COL24A1: variants seen among roughly 807,000 people sequenced by gnomAD.
The protein encoded by COL24A1 is collagen type XXIV alpha 1 chain, also known as collagen alpha-1(XXIV) chain.
In COL24A1, 224 loss-of-function variants were observed where a neutral mutation model predicts 253.9. That is an observed-to-expected ratio of 0.88 (90% confidence interval 0.79 to 0.99). The LOEUF (loss-of-function observed/expected upper bound fraction) is 0.99, where lower values mean the gene tolerates loss of function less well. Ranked by LOEUF, COL24A1 falls within the 50% of genes least tolerant of loss-of-function variation. The pLI is 0.00. For synonymous variants in COL24A1, 685 were observed against 673.7 expected (o/e 1.02, Z -0.26); for missense variants, 2,131 against 2,068.5 (o/e 1.03, Z -0.59).
intron 24 of COL24A1, among the ~76,000 whole-genome samples, chr1:85,946,951 G>A (rs1365714709): frequency 6.6e-6 from 1 of 152,202 alleles, no homozygotes; most frequent in East Asian, 1.9e-4. Flanking sequence ...AATCCAGTCA[G>A]TGTGTACTTC....
At chr1:85,959,395 A>G (rs1447454696) in intron 24 of COL24A1, among the ~76,000 whole-genome samples, 1 of 152,118 alleles carries the variant, frequency 6.6e-6, no homozygotes, top group Non-Finnish European at 1.5e-5. Flanking sequence ...TCTCTACAAC[A>G]TTTATATGAG....
chr1:86,105,803 G>A (rs1273667839), intron 5 of COL24A1, among the ~76,000 whole-genome samples: 1 of 152,210 alleles, frequency 6.6e-6, no homozygotes, highest in African/African-American at 2.4e-5. Context: ...CCAGAGGCCT[G>A]TGGTGAAAGC....
chr1:85,907,780 T>C (rs955932099), intron 27 of COL24A1, among the ~76,000 whole-genome samples: 1 of 151,862 alleles, frequency 6.6e-6, no homozygotes, highest in Admixed American at 6.6e-5. Flanking sequence ...TTATAATGAA[T>C]TATTTTTATA....
At chr1:85,895,817 A>G in intron 31 of COL24A1, 41 bp downstream of exon 31, 1 of 1,544,202 alleles carries the variant, frequency 6.5e-7, no homozygotes. Context: ...CCAAAAATGC[A>G]GATAAAAATT....
chr1:85,986,505 T>C (rs1693733756), intron 20 of COL24A1, among the ~76,000 whole-genome samples: 1 of 151,836 alleles, frequency 6.6e-6, no homozygotes, highest in African/African-American at 2.4e-5. Context: ...CTCTACGTAA[T>C]TTACTATCAA....
intron 24 of COL24A1, among the ~76,000 whole-genome samples, chr1:85,949,153 G>A (rs932510716): frequency 1.3e-5 from 2 of 152,042 alleles, no homozygotes; most frequent in African/African-American, 4.8e-5. Flanking sequence ...CAAAATCATA[G>A]TTAGACATGA....
intron 7 of COL24A1, among the ~76,000 whole-genome samples, chr1:86,067,946 T>C (rs1041466005): frequency 9.9e-5 from 15 of 152,238 alleles, no homozygotes; most frequent in African/African-American, 3.6e-4. Flanking sequence ...TTCTGAAAAC[T>C]GAATACATTC....
intron 42 of COL24A1, among the ~76,000 whole-genome samples, chr1:85,840,520 T>C (rs1676489850): frequency 6.6e-6 from 1 of 152,156 alleles, no homozygotes; most frequent in African/African-American, 2.4e-5. Flanking sequence ...TTAAGATTGT[T>C]TTACTCTATA....
At chr1:85,777,169 C>A (rs1040178038) in intron 52 of COL24A1, among the ~76,000 whole-genome samples, 2 of 151,842 alleles carry the variant, frequency 1.3e-5, no homozygotes, top group Non-Finnish European at 2.9e-5. Flanking sequence ...AGGATGATCT[C>A]AATCTCCTGA....
At chr1:86,063,948 TAAA>T (rs949504094) in intron 7 of COL24A1, among the ~76,000 whole-genome samples, 189 bp from the exon 8 acceptor site, 1 of 151,872 alleles carries the variant, frequency 6.6e-6, no homozygotes, top group Non-Finnish European at 1.5e-5. Flanking sequence ...TTTTATTAAA[TAAA>T]AAATTAATTC....
chr1:85,766,024 T>C (rs1667329259), intron 53 of COL24A1, among the ~76,000 whole-genome samples: 1 of 152,112 alleles, frequency 6.6e-6, no homozygotes, highest in African/African-American at 2.4e-5. Context: ...TGTTATCTGC[T>C]AGGTTTCCTT....
intron 21 of COL24A1, 94 bp downstream of exon 21, chr1:85,971,246 G>T: frequency 1.1e-6 from 1 of 941,748 alleles, no homozygotes; most frequent in East Asian, 2.6e-5. Context: ...ATCTGATGGT[G>T]TTTAAGCAAA....
At chr1:86,142,542 A>AAC (rs1447380448) in intron 2 of COL24A1, among the ~76,000 whole-genome samples, 8 of 133,454 alleles carry the variant, frequency 6.0e-5, no homozygotes, top group African/African-American at 7.5e-5. Context: ...AACAAAAAAC[A>AAC]AAAAACAAAA....
chr1:85,833,382 C>T (rs1325709571), intron 43 of COL24A1, among the ~76,000 whole-genome samples: 1 of 152,150 alleles, frequency 6.6e-6, no homozygotes, highest in Admixed American at 6.5e-5. Flanking sequence ...TCATCACTGG[C>T]CATCAGAGAA....
chr1:85,828,611 A>T (rs1420233311), intron 43 of COL24A1, among the ~76,000 whole-genome samples: 1 of 149,224 alleles, frequency 6.7e-6, no homozygotes, highest in Admixed American at 6.8e-5. Flanking sequence ...GTGCTCCTGT[A>T]TTGGGTGCAT....
chr1:85,999,661 A>AT (rs1424739695), intron 19 of COL24A1, among the ~76,000 whole-genome samples: 29 of 151,522 alleles, frequency 1.9e-4, no homozygotes, highest in African/African-American at 6.8e-4. Flanking sequence ...ATAAAATAAA[A>AT]AAGAAAAGAA....
chr1:85,925,614 A>G (rs2103047573), intron 24 of COL24A1, among the ~76,000 whole-genome samples: 1 of 152,332 alleles, frequency 6.6e-6, no homozygotes, highest in African/African-American at 2.4e-5. Context: ...AAAACTGGCT[A>G]GCCATATGTA....
chr1:85,807,217 C>T (rs1672068058), intron 47 of COL24A1, among the ~76,000 whole-genome samples: 1 of 152,154 alleles, frequency 6.6e-6, no homozygotes, highest in Non-Finnish European at 1.5e-5. Context: ...CTATAACTTC[C>T]CTCACAATAG....
intron 42 of COL24A1, among the ~76,000 whole-genome samples, chr1:85,840,346 C>A (rs1412831397): frequency 6.6e-6 from 1 of 152,022 alleles, no homozygotes; most frequent in Non-Finnish European, 1.5e-5. Context: ...TTACATATTC[C>A]TTTAGATACC....
Sources: allele counts gnomAD v4.1 joint callset (sites outside exome capture counted in the v4.1 genomes callset), GRCh38; gene constraint gnomAD v4.1.1; transcripts MANE v1.5; gene names NCBI Gene and HGNC (gene_info 2026-07-23, HGNC 2026-07-21).